The following NHSL1 variants were observed in gnomAD, a reference collection of about 807,000 sequenced individuals.
NHSL1 encodes the protein NHS like 1, also known as NHS-like protein 1.
In NHSL1, 48 loss-of-function variants were observed where a neutral mutation model predicts 95.0. The observed-to-expected ratio is 0.51, with a 90% confidence interval of 0.40 to 0.64. NHSL1 has a LOEUF of 0.64. Ranked by LOEUF, NHSL1 falls within the 30% of genes least tolerant of loss-of-function variation. The probability of loss-of-function intolerance (pLI) is 0.00; values close to 1 mark genes in which losing one functional copy is unlikely to be tolerated. For missense variants in NHSL1, 1,971 were observed against 2,077.7 expected, an observed-to-expected ratio of 0.95 and a Z score of 1.00; for synonymous variants, 783 against 833.9, an observed-to-expected ratio of 0.94 and a Z score of 1.05.
chr6:138,668,269 C>A (rs1785319983), intron 1 of NHSL1, among the ~76,000 whole-genome samples: 1 of 152,114 alleles, frequency 6.6e-6, no homozygotes. Flanking sequence ...ATACAAAATA[C>A]CCCGTCTCTA....
chr6:138,668,918 G>A (rs905693251), intron 1 of NHSL1, among the ~76,000 whole-genome samples: 15 of 152,080 alleles, frequency 9.9e-5, no homozygotes, highest in African/African-American at 3.6e-4. Flanking sequence ...CACCGTACCC[G>A]GCCCTAGAAA....
At chr6:138,579,999 C>A (rs185651456) in intron 1 of NHSL1, among the ~76,000 whole-genome samples, 1 of 152,110 alleles carries the variant, frequency 6.6e-6, no homozygotes, top group Non-Finnish European at 1.5e-5. Flanking sequence ...AGCAGATGAA[C>A]CTTACTTTTA....
chr6:138,550,289 T>C (rs372356076), upstream of NHSL1, among the ~76,000 whole-genome samples: 1 of 152,174 alleles, frequency 6.6e-6, no homozygotes, highest in Admixed American at 6.5e-5. Flanking sequence ...TTTACAACTG[T>C]ATGTCTGAGA....
chr6:138,571,705 G>T (rs1238017399), intron 1 of NHSL1: 1 of 1,548,820 alleles, frequency 6.5e-7, no homozygotes, highest in South Asian at 1.2e-5. Context: ...TAAAAATCGA[G>T]TCACCTTTTC....
At chr6:138,671,231 C>T (rs1041988281) in intron 1 of NHSL1, among the ~76,000 whole-genome samples, 1 of 151,922 alleles carries the variant, frequency 6.6e-6, no homozygotes, top group Non-Finnish European at 1.5e-5. Context: ...CCGAGGCGGG[C>T]AGATCACTTA....
At chr6:138,589,499 G>C (rs983525663) in intron 1 of NHSL1, among the ~76,000 whole-genome samples, 2 of 152,066 alleles carry the variant, frequency 1.3e-5, no homozygotes, top group East Asian at 3.9e-4. Context: ...ATGTGCTCAG[G>C]GTAGGCAGCA....
intron 1 of NHSL1, among the ~76,000 whole-genome samples, chr6:138,497,201 G>A (rs1780404810): frequency 6.6e-6 from 1 of 152,066 alleles, no homozygotes; most frequent in African/African-American, 2.4e-5. Flanking sequence ...CTGACAACAC[G>A]AGCTAAGTTG....
rs1464545197 is a variant in NHSL1 at position 138,430,966 on chromosome 6, T to A, written c.3379A>T (p.Ser1127Cys). The A allele has an allele frequency of 2.6e-6, 4 of 1,551,756 alleles. No individual in the cohort carries two copies. The highest frequency in any genetic ancestry group is 3.5e-6 in the Non-Finnish European group (4 of 1,147,018). ...GTCACAGAGGCAGGCTGGCTTTCAC[T>A]CTCCATTTCATTTGTGCTATTTCGG... ...KSRNSTNEME[S>C]ESQPASVTSS... Residue 1127 changes from serine to cysteine, a missense_variant, in exon 6 of 8, where the codon AGT becomes TGT. By Grantham distance (112) the Ser-to-Cys change is moderately radical. Transcript: ENST00000343505. The surrounding 1 kb of genome is among the most constrained non-coding windows in gnomAD (Gnocchi z 4.7).
At chr6:138,654,245 G>C (rs1785128020) in intron 1 of NHSL1, among the ~76,000 whole-genome samples, 1 of 152,096 alleles carries the variant, frequency 6.6e-6, no homozygotes, top group South Asian at 2.1e-4. Context: ...ATTTAAACAA[G>C]ACTTTATTTT....
intron 3 of NHSL1, chr6:138,464,335 C>T (rs1009059462): frequency 1.6e-5 from 9 of 566,706 alleles, no homozygotes; most frequent in Non-Finnish European, 1.9e-5. Flanking sequence ...TGGAGCTCCA[C>T]GGCCTGGAGG....
intron 1 of NHSL1, among the ~76,000 whole-genome samples, chr6:138,544,983 C>CTTTTTTTTT (rs35979187): frequency 3.1e-3 from 256 of 83,396 alleles, no homozygotes; most frequent in Non-Finnish European, 4.2e-3. Flanking sequence ...TCTTTCTTTT[C>CTTTTTTTTT]TTTTTTTTTT....
At chr6:138,449,747 G>A (rs1172888905) in intron 3 of NHSL1, among the ~76,000 whole-genome samples, 1 of 151,930 alleles carries the variant, frequency 6.6e-6, no homozygotes, top group East Asian at 1.9e-4. Flanking sequence ...GCAAAGTCAT[G>A]AATTGACATG....
At chr6:138,429,681 A>T (rs1423090838) in intron 7 of NHSL1, 30 bp downstream of exon 7, 2 of 1,534,852 alleles carry the variant, frequency 1.3e-6, no homozygotes, top group Non-Finnish European at 1.8e-6. Context: ...TACACAGTAG[A>T]TTAAAGTCAG....
At chr6:138,667,481 G>T (rs1455800585) in intron 1 of NHSL1, among the ~76,000 whole-genome samples, 1 of 152,142 alleles carries the variant, frequency 6.6e-6, no homozygotes, top group Non-Finnish European at 1.5e-5. Context: ...AAATTAAGGA[G>T]GATCGCATAA....
In NHSL1 at chr6:138,432,253, C is replaced by T. The variant is rs781593755; in HGVS notation, c.2092G>A (p.Glu698Lys). 3.9e-6 allele frequency: 6 copies of T among 1,550,020 alleles called. No homozygotes were observed. The highest frequency in any genetic ancestry group is 3.6e-5 in the South Asian group (3 of 83,914). The change falls in exon 6 of 8, where the codon GAG becomes AAG. Residue 698 changes from glutamate (E) to lysine (K), a missense_variant. Glu to Lys is a moderately conservative substitution (Grantham distance 56). Transcript: ENST00000343505. The surrounding 1 kb of genome is among the most constrained non-coding windows in gnomAD (Gnocchi z 4.4). ...SSQCNGQVLN[E>K]SLIATLQHSL... ...TGCTGGAGTGTGGCGATCAGGCTCT[C>T]GTTGAGCACCTGCCCGTTGCACTGG...
At chr6:138,448,967 G>GC (rs1315313954) in intron 3 of NHSL1, among the ~76,000 whole-genome samples, 91 of 149,488 alleles carry the variant, frequency 6.1e-4, no homozygotes, top group Non-Finnish European at 7.4e-4. Flanking sequence ...CAGGAGAATC[G>GC]CTTGAACCCA....
chr6:138,450,154 G>A (rs1312152171), intron 3 of NHSL1, among the ~76,000 whole-genome samples: 2 of 152,066 alleles, frequency 1.3e-5, no homozygotes, highest in Non-Finnish European at 2.9e-5. Context: ...TGACACTTAA[G>A]TTTGATTTAT....
chr6:138,581,897 C>CTTTTTTTTTT (rs370719757), intron 1 of NHSL1, among the ~76,000 whole-genome samples: 2 of 124,324 alleles, frequency 1.6e-5, no homozygotes, highest in Non-Finnish European at 3.4e-5. Context: ...CTTTTTCTTT[C>CTTTTTTTTTT]TTTTTTTTTT....
chr6:138,665,276 A>G (rs1309653614), intron 1 of NHSL1, among the ~76,000 whole-genome samples: 1 of 152,216 alleles, frequency 6.6e-6, no homozygotes, highest in African/African-American at 2.4e-5. Flanking sequence ...GGCTTCAATC[A>G]TCTTCAACCA....
Sources: gnomAD v4.1 joint callset for allele counts (sites outside exome capture counted in the v4.1 genomes callset) on GRCh38, gnomAD v4.1.1 for gene constraint, Gnocchi (gnomAD v3.1) non-coding constraint, MANE v1.5 for transcripts, NCBI Gene and HGNC (gene_info 2026-07-23, HGNC 2026-07-21) for gene names.